The following XKR5 variants were observed in gnomAD, a reference collection of about 807,000 sequenced individuals.
The protein encoded by XKR5 is XK related 5.
XKR5 carries 46 observed loss-of-function variants against 40.8 expected under a neutral mutation model. That is an observed-to-expected ratio of 1.13 (90% CI 0.89 to 1.44). The LOEUF is 1.44. XKR5 is among the 40% of genes most tolerant of loss of function. The pLI, the probability that XKR5 is intolerant of heterozygous loss-of-function variation, is 0.00. For synonymous variants in XKR5, 466 were observed against 356.1 expected, an observed-to-expected ratio of 1.31 and a Z score of -3.48; for missense variants, 1,169 against 844.7, an observed-to-expected ratio of 1.38 and a Z score of -4.76.
chr8:6,831,645 C>T (rs953107162), intron 2 of XKR5, among the ~76,000 whole-genome samples: 1 of 152,096 alleles, frequency 6.6e-6, no homozygotes, highest in African/African-American at 2.4e-5. Context: ...ACCTTTCCAA[C>T]CCTCAGTGCC....
intron 1 of XKR5, among the ~76,000 whole-genome samples, chr8:6,833,785 G>A (rs1436924337): frequency 1.3e-5 from 2 of 152,222 alleles, no homozygotes; most frequent in Admixed American, 1.3e-4. Flanking sequence ...CTAGGAGCAG[G>A]CTGGGAGCCA....
chr8:6,833,271 G>A (rs1454420775), intron 1 of XKR5, among the ~76,000 whole-genome samples: 1 of 152,226 alleles, frequency 6.6e-6, no homozygotes, highest in Non-Finnish European at 1.5e-5. Context: ...TGAAGCTGGT[G>A]CTCTGCCCTA....
At chr8:6,813,740 G>A (rs1416139516) in intron 6 of XKR5, among the ~76,000 whole-genome samples, 5 of 152,110 alleles carry the variant, frequency 3.3e-5, no homozygotes, top group African/African-American at 7.2e-5. Context: ...CTCACTGCCC[G>A]TGGCTATGGA....
chr8:6,832,580 T>G, intron 2 of XKR5, 137 bp downstream of exon 2: 1 of 1,077,266 alleles, frequency 9.3e-7, no homozygotes, highest in Non-Finnish European at 1.3e-6. Context: ...AGAGCAGGGG[T>G]TTGCTGTGGC....
Position 6,835,481 on chromosome 8 carries a change from G to T in XKR5, c.13C>A (p.Leu5Ile). The T allele has an allele frequency of 6.7e-7, 1 of 1,502,592 alleles. No homozygotes were observed. The highest frequency in any genetic ancestry group is 8.8e-7 in the Non-Finnish European group (1 of 1,133,148). 93.1% of individuals were successfully genotyped at this position (1,502,592 alleles called of 1,614,324 possible). MHAR[L>I]LGLSALLQAA... ...TGCAGCAGGGCCGAGAGCCCCAGGAGCCTCGCGTGCATCTTCCGTGCCGAC... is the reference window on the plus strand; with the variant it reads ...TGCAGCAGGGCCGAGAGCCCCAGGATCCTCGCGTGCATCTTCCGTGCCGAC... Residue 5 changes from leucine to isoleucine, a missense_variant, in exon 1 of 7, where the codon CTC becomes ATC. By Grantham distance (5) the Leu-to-Ile change is conservative. Coordinates refer to ENST00000618742, the MANE Select transcript of XKR5 (RefSeq NM_207411.5).
chr8:6,825,079 G>A lies in XKR5; in HGVS notation c.427+86C>T, dbSNP rs150201604. 1,189 of 1,521,612 alleles carry A rather than the reference G, an allele frequency of 7.8e-4. 1 individual carries two copies. The highest frequency in any genetic ancestry group is 4.9e-3 in the Middle Eastern group (28 of 5,744). 94.3% of individuals were successfully genotyped at this position (1,521,612 alleles called of 1,614,324 possible). A position where few individuals can be genotyped will look rare whatever the true frequency, so the allele number is the denominator to read the frequency against. On this transcript the variant is annotated intron_variant, in intron 3 of 6. Coordinates refer to ENST00000618742, the MANE Select transcript of XKR5 (RefSeq NM_207411.5). The stretch of plus-strand genomic sequence containing the variant: ...AATGCTCCTAAGCAGAGGAAATCTC[G>A]AAGGGAGGGTTTTGCTAAACAGGCT...
At position 6,818,677 on chromosome 8, in the gene XKR5, A is replaced by T. The variant is rs371657820; in HGVS notation, c.808-2759T>A. ...CTCCAGACGTGGATTCCCAGGTTGC[A>T]GTCACACCTACTGAGACAGAATCTC... On this transcript the variant is annotated intron_variant, in intron 5 of 6. Coordinates refer to ENST00000618742, the MANE Select transcript of XKR5 (RefSeq NM_207411.5). Among the ~76,000 whole-genome samples, 17 of 152,320 alleles carry T rather than the reference A, an allele frequency of 1.1e-4. No individual in the cohort carries two copies. In the East Asian group the frequency reaches 3.1e-3, roughly 28 times the overall value.
At chr8:6,833,586 G>T (rs1261069495) in intron 1 of XKR5, among the ~76,000 whole-genome samples, 1 of 152,290 alleles carries the variant, frequency 6.6e-6, no homozygotes, top group East Asian at 1.9e-4. Context: ...TGCTGGCTGC[G>T]TGCCTGTAAT....
intron 2 of XKR5, among the ~76,000 whole-genome samples, chr8:6,831,634 C>T (rs973207850): frequency 5.9e-5 from 9 of 152,078 alleles, no homozygotes; most frequent in Non-Finnish European, 2.9e-5. Context: ...ACCCCTTGAA[C>T]ACCTTTCCAA....
At position 6,825,949 on chromosome 8, in the gene XKR5, G is replaced by A. The variant is rs191803262; in HGVS notation, c.243-600C>T. 1.6e-3 allele frequency among the ~76,000 whole-genome samples: 244 copies of A among 152,248 alleles called. 2 individuals are homozygous for A. The highest frequency in any genetic ancestry group is 7.3e-3 in the South Asian group (35 of 4,814). ...GGAGCTTGGAGGCTGATGTGGTCCC[G>A]GTGAAGTAGATCAGGGCCCTGAACT... On this transcript the variant is annotated intron_variant, in intron 2 of 6. Transcript: ENST00000618742.
intron 1 of XKR5, among the ~76,000 whole-genome samples, chr8:6,833,823 A>T (rs79134989): frequency 0.032 from 4,856 of 152,352 alleles, 119 homozygotes; most frequent in East Asian, 0.085. Flanking sequence ...AGGGACAGGC[A>T]TTCACTAAAT....
chr8:6,811,766 G>A lies in XKR5; in HGVS notation c.1493C>T (p.Ala498Val), dbSNP rs1288850654. The A allele has an allele frequency of 2.0e-6, 3 of 1,537,488 alleles. No homozygotes were observed. The highest frequency in any genetic ancestry group is 2.7e-5 in the African/African-American group (2 of 73,050). The change falls in exon 7 of 7, where the codon GCA becomes GTA. Residue 498 changes from alanine (A) to valine (V), a missense_variant. By Grantham distance (64) the Ala-to-Val change is moderately conservative. Coordinates refer to ENST00000618742, the MANE Select transcript of XKR5 (RefSeq NM_207411.5). The part of the protein sequence containing the change: ...VSFASDQQDE[A>V]PTQNPAATQG... The stretch of plus-strand genomic sequence containing the variant: ...CGTGGCTGCTGGGTTCTGGGTAGGT[G>A]CTTCATCCTGCTGATCGCTGGCAAA...
chr8:6,823,392 C>G (rs1804325108), intron 4 of XKR5, 129 bp downstream of exon 4: 1 of 939,944 alleles, frequency 1.1e-6, no homozygotes, highest in African/African-American at 1.6e-5. Flanking sequence ...AAGCAAGATC[C>G]ATTCAGCAGA....
rs530589642 is a variant in XKR5 at position 6,811,855 on chromosome 8, G to A, written c.1404C>T (p.Ser468=). 32 of 1,537,598 alleles carry A rather than the reference G, an allele frequency of 2.1e-5. No individual in the cohort carries two copies. The East Asian group carries it at 7.3e-4, about 35-fold the overall frequency. ...SSRDPSTLEN[S]SAFEGVPKAE... ...CTTTAGGGACACCTTCAAACGCAGA[G>A]CTGTTCTCTAAGGTTGAGGGGTCAC... Residue 468 remains serine (S), a synonymous_variant, in exon 7 of 7, where the codon AGC becomes AGT. Transcript: ENST00000618742.
chr8:6,823,699 G>C lies in XKR5; in HGVS notation c.459C>G (p.Leu153=), dbSNP rs772191167. The C allele has an allele frequency of 1.3e-6, 2 of 1,587,664 alleles. No individual in the cohort carries two copies. Among genetic ancestry groups the C allele is most frequent in the South Asian group, 1.2e-5 (1 of 86,790 alleles). Residue 153 remains leucine (L), a synonymous_variant, in exon 4 of 7, where the codon CTC becomes CTG. Transcript: ENST00000618742. ...GAGTGTAGGACACCAGTGCCCAGGA[G>C]AGTGAGGACCAGGAAAACAGGGTGC... ...GVSTLFSWSS[L]SWALVSYTRF...
intron 2 of XKR5, chr8:6,829,360 T>C (rs1171297318): frequency 5.9e-6 from 1 of 168,780 alleles, no homozygotes; most frequent in Non-Finnish European, 1.5e-5. Context: ...AAAGTGTAAG[T>C]AAAAAACCTA....
At chr8:6,824,387 C>T (rs973004867) in intron 3 of XKR5, among the ~76,000 whole-genome samples, 3 of 151,924 alleles carry the variant, frequency 2.0e-5, no homozygotes, top group Non-Finnish European at 4.4e-5. Flanking sequence ...CAAGAAGCAA[C>T]TGAGAGAAAC....
At chr8:6,831,312 G>A (rs1006341471) in intron 2 of XKR5, among the ~76,000 whole-genome samples, 5 of 152,212 alleles carry the variant, frequency 3.3e-5, no homozygotes, top group Non-Finnish European at 5.9e-5. Flanking sequence ...CTTTTCAGGG[G>A]AACGGCACTG....
chr8:6,832,529 T>C (rs1427047391), intron 2 of XKR5, among the ~76,000 whole-genome samples, 188 bp downstream of exon 2: 1 of 152,130 alleles, frequency 6.6e-6, no homozygotes, highest in African/African-American at 2.4e-5. Context: ...AGGTTGGAGA[T>C]GCTCAAAAAA....
Sources: allele counts gnomAD v4.1 joint callset (sites outside exome capture counted in the v4.1 genomes callset), GRCh38; gene constraint gnomAD v4.1.1; transcripts MANE v1.5; gene names NCBI Gene and HGNC (gene_info 2026-07-23, HGNC 2026-07-21).